Variants in MCF2L2 observed in about 807,000 individuals in gnomAD.
The protein encoded by MCF2L2 is MCF.2 cell line derived transforming sequence-like 2.
MCF2L2 carries 102 observed loss-of-function variants against 150.2 expected under a neutral mutation model. That is an observed-to-expected ratio of 0.68 (90% CI 0.58 to 0.80). The LOEUF (loss-of-function observed/expected upper bound fraction) is 0.80. Among genes scored for constraint, MCF2L2 ranks in the 30% least tolerant of loss-of-function variants. The probability of loss-of-function intolerance (pLI) is 0.00; values close to 1 mark genes in which losing one functional copy is unlikely to be tolerated. For missense variants in MCF2L2, 1,256 were observed against 1,372.8 expected (o/e 0.91, Z 1.34); for synonymous variants, 465 against 491.3 (o/e 0.95, Z 0.71).
chr3:183,387,175 G>A (rs1560052091), intron 2 of MCF2L2, among the ~76,000 whole-genome samples: 1 of 151,626 alleles, frequency 6.6e-6, no homozygotes, highest in Non-Finnish European at 1.5e-5. Context: ...TGAGGTAGGA[G>A]GATCACTTGA....
chr3:183,196,084 G>A (rs1424035556), intron 25 of MCF2L2, among the ~76,000 whole-genome samples: 1 of 152,138 alleles, frequency 6.6e-6, no homozygotes, highest in Non-Finnish European at 1.5e-5. Context: ...CCACAGCTGA[G>A]GAGCTTGTCC....
chr3:183,384,834 G>A (rs1713743464), intron 2 of MCF2L2, among the ~76,000 whole-genome samples: 1 of 152,124 alleles, frequency 6.6e-6, no homozygotes, highest in Non-Finnish European at 1.5e-5. Context: ...ACTCTTTGGA[G>A]TATATTCGTT....
chr3:183,379,455 C>A, intron 2 of MCF2L2, 44 bp from the exon 3 acceptor site: 1 of 1,353,364 alleles, frequency 7.4e-7, no homozygotes, highest in Non-Finnish European at 1.0e-6. Context: ...AAATGTTGTC[C>A]TGTCACACCT....
intron 3 of MCF2L2, among the ~76,000 whole-genome samples, chr3:183,357,025 C>G (rs968934120): frequency 6.6e-6 from 1 of 151,752 alleles, no homozygotes; most frequent in South Asian, 2.1e-4. Context: ...TGGCTGATAA[C>G]AAATCAGTGA....
rs569281848 is a variant in MCF2L2, at chr3:183,233,414, A to G, written c.1863-2397T>C. On this transcript the variant is annotated intron_variant, in intron 15 of 29. Coordinates refer to ENST00000328913, the MANE Select transcript of MCF2L2 (RefSeq NM_015078.4). The stretch of plus-strand genomic sequence containing the variant: ...GATAGATATATGTGTGTGTGTGTGT[A>G]TATATATATACATATATATGGTACA... 1.1e-3 allele frequency among the ~76,000 whole-genome samples: 163 copies of G among 151,466 alleles called. No individual in the cohort carries two copies. In the East Asian group the frequency reaches 0.014, roughly 13 times the overall value.
chr3:183,385,929 A>G (rs74648538), intron 2 of MCF2L2, among the ~76,000 whole-genome samples: 1,903 of 152,302 alleles, frequency 0.012, 33 homozygotes, highest in African/African-American at 0.042. Context: ...ACACTGACCT[A>G]ATGTCTGGAA....
chr3:183,214,137 G>C (rs1304950061), intron 22 of MCF2L2, among the ~76,000 whole-genome samples: 2 of 152,142 alleles, frequency 1.3e-5, no homozygotes, highest in Non-Finnish European at 2.9e-5. Context: ...CCTGCCCTGT[G>C]TATTGTTTCC....
chr3:183,201,636 C>T (rs1722287517), intron 25 of MCF2L2, among the ~76,000 whole-genome samples: 1 of 152,152 alleles, frequency 6.6e-6, no homozygotes, highest in Non-Finnish European at 1.5e-5. Context: ...TGCCTGATTG[C>T]CCTGGCCAGA....
intron 15 of MCF2L2, chr3:183,253,223 C>T (rs1485256271): frequency 6.0e-5 from 9 of 150,060 alleles, no homozygotes; most frequent in African/African-American, 2.2e-4. Context: ...GAGCCTCGCG[C>T]CCCCGCCCGG....
chr3:183,326,841 C>G (rs1256607027), intron 5 of MCF2L2, among the ~76,000 whole-genome samples: 1 of 152,110 alleles, frequency 6.6e-6, no homozygotes, highest in Non-Finnish European at 1.5e-5. Context: ...TCTCCCACCC[C>G]CAAAATCCCT....
chr3:183,324,149 C>T (rs182343942), intron 5 of MCF2L2, among the ~76,000 whole-genome samples: 3 of 152,294 alleles, frequency 2.0e-5, no homozygotes, highest in Admixed American at 1.3e-4. Flanking sequence ...TACACTGGTG[C>T]GCCCCGATGA....
chr3:183,250,973 TTGCAC>T (rs961659634), intron 15 of MCF2L2, among the ~76,000 whole-genome samples: 3 of 152,228 alleles, frequency 2.0e-5, no homozygotes, highest in Non-Finnish European at 2.9e-5. Context: ...GTCACTGCGA[TTGCAC>T]TAATCCTCAC....
chr3:183,289,598 G>A (rs1034971733), intron 13 of MCF2L2, among the ~76,000 whole-genome samples: 1 of 152,224 alleles, frequency 6.6e-6, no homozygotes, highest in African/African-American at 2.4e-5. Context: ...GCTCACACCT[G>A]TAATCCCAGC....
intron 3 of MCF2L2, chr3:183,374,453 A>C (rs1353426972): frequency 6.6e-6 from 1 of 152,240 alleles, no homozygotes; most frequent in African/African-American, 2.4e-5. Flanking sequence ...GCGGATCACA[A>C]GGTCAAGAGA....
chr3:183,240,227 G>A (rs998983631), intron 15 of MCF2L2, among the ~76,000 whole-genome samples: 5 of 152,120 alleles, frequency 3.3e-5, no homozygotes, highest in Non-Finnish European at 4.4e-5. Flanking sequence ...ACCAGGCTAC[G>A]CCCTTCCAAA....
At chr3:183,245,503 T>C (rs35069869) in intron 15 of MCF2L2, among the ~76,000 whole-genome samples, 51,149 of 151,714 alleles carry the variant, frequency 0.34, 8,848 homozygotes, top group African/African-American at 0.41. Context: ...CGAGTGTGGA[T>C]GAGTGCTGGC....
intron 5 of MCF2L2, among the ~76,000 whole-genome samples, chr3:183,335,275 T>C (rs887569597): frequency 1.3e-5 from 2 of 152,094 alleles, no homozygotes; most frequent in African/African-American, 4.8e-5. Context: ...AAATATATTG[T>C]GTATGGATCT....
At chr3:183,189,067 A>G (rs955113702) in intron 27 of MCF2L2, among the ~76,000 whole-genome samples, 6 of 152,164 alleles carry the variant, frequency 3.9e-5, no homozygotes, top group African/African-American at 9.6e-5. Context: ...ACAGTACCAA[A>G]CTGGGGGCTC....
intron 1 of MCF2L2, among the ~76,000 whole-genome samples, chr3:183,411,445 C>T (rs1715310082): frequency 6.6e-6 from 1 of 152,192 alleles, no homozygotes; most frequent in African/African-American, 2.4e-5. Context: ...TATTCACTAA[C>T]ACCCGAAAGG....
Sources: gnomAD v4.1 joint callset for allele counts (sites outside exome capture counted in the v4.1 genomes callset) on GRCh38, gnomAD v4.1.1 for gene constraint, MANE v1.5 for transcripts, NCBI Gene and HGNC (gene_info 2026-07-23, HGNC 2026-07-21) for gene names.